FBXL17: variants seen among roughly 807,000 people sequenced by gnomAD.
FBXL17 encodes F-box/LRR-repeat protein 17.
FBXL17 carries 22 observed loss-of-function variants against 66.2 expected under a neutral mutation model. The ratio of observed to expected loss-of-function variants is 0.33; its 90% CI spans 0.24 to 0.47. FBXL17 has a LOEUF of 0.47. Ranked by LOEUF, FBXL17 falls within the 20% of genes least tolerant of loss-of-function variation. The pLI is 1.00. For synonymous variants in FBXL17, 474 were observed against 400.5 expected, an observed-to-expected ratio of 1.18 and a Z score of -2.19; for missense variants, 878 against 948.2, an observed-to-expected ratio of 0.93 and a Z score of 0.97.
intron 6 of FBXL17, among the ~76,000 whole-genome samples, chr5:108,169,415 C>G (rs1409244520): frequency 6.6e-6 from 1 of 152,124 alleles, no homozygotes; most frequent in Non-Finnish European, 1.5e-5. Flanking sequence ...TAGAAAACAA[C>G]TGTTGTTTTG....
chr5:108,238,498 G>T (rs1035572327), intron 4 of FBXL17, among the ~76,000 whole-genome samples: 1 of 152,030 alleles, frequency 6.6e-6, no homozygotes, highest in Non-Finnish European at 1.5e-5. Flanking sequence ...AATGAATTGT[G>T]ACTTTTTAAT....
At chr5:107,885,920 CATA>C (rs1306446068) in intron 7 of FBXL17, among the ~76,000 whole-genome samples, 1 of 148,540 alleles carries the variant, frequency 6.7e-6, no homozygotes, top group African/African-American at 2.5e-5. Context: ...CTCTCTGAAC[CATA>C]ATAATGCTTT....
At chr5:108,367,596 A>G (rs1450666585) in intron 2 of FBXL17, among the ~76,000 whole-genome samples, 1 of 152,118 alleles carries the variant, frequency 6.6e-6, no homozygotes, top group African/African-American at 2.4e-5. Context: ...AAAAGACAAA[A>G]AGACCTAAAA....
chr5:108,282,274 T>G (rs141136073), intron 4 of FBXL17, among the ~76,000 whole-genome samples: 33 of 151,864 alleles, frequency 2.2e-4, no homozygotes, highest in African/African-American at 5.8e-4. Context: ...ATCCTCAACA[T>G]ACTAGCAAAC....
intron 8 of FBXL17, among the ~76,000 whole-genome samples, chr5:107,876,346 T>G (rs577264195): frequency 6.6e-6 from 1 of 152,320 alleles, no homozygotes; most frequent in South Asian, 2.1e-4. Flanking sequence ...ATAAAATTAG[T>G]TCTGCATGAA....
intron 4 of FBXL17, among the ~76,000 whole-genome samples, chr5:108,258,228 T>G (rs917563057): frequency 2.6e-5 from 4 of 152,086 alleles, no homozygotes; most frequent in African/African-American, 4.8e-5. Context: ...TGTGATGACA[T>G]AGCAAGAAAG....
At chr5:108,205,772 C>T (rs1754090983) in intron 5 of FBXL17, among the ~76,000 whole-genome samples, 1 of 152,104 alleles carries the variant, frequency 6.6e-6, no homozygotes, top group South Asian at 2.1e-4. Flanking sequence ...GTCACCCAGG[C>T]TAAAGTGCAG....
chr5:108,134,857 T>C (rs1751075084), intron 6 of FBXL17, among the ~76,000 whole-genome samples: 1 of 152,184 alleles, frequency 6.6e-6, no homozygotes, highest in Non-Finnish European at 1.5e-5. Context: ...ACAAATTAAG[T>C]CTTTCCTGCA....
At chr5:108,110,519 A>T (rs918409884) in intron 6 of FBXL17, among the ~76,000 whole-genome samples, 1 of 152,154 alleles carries the variant, frequency 6.6e-6, no homozygotes, top group East Asian at 1.9e-4. Flanking sequence ...CTTTTTATCA[A>T]ATTTGTAAAC....
intron 1 of FBXL17, among the ~76,000 whole-genome samples, chr5:108,375,882 A>C (rs1250642179): frequency 6.6e-6 from 1 of 152,234 alleles, no homozygotes; most frequent in Non-Finnish European, 1.5e-5. Context: ...AAATATAAGG[A>C]AACTAAATCC....
intron 5 of FBXL17, among the ~76,000 whole-genome samples, chr5:108,217,547 A>G (rs539505008): frequency 2.5e-4 from 38 of 152,056 alleles, no homozygotes; most frequent in African/African-American, 8.9e-4. Flanking sequence ...TTCCATTTCA[A>G]CATTGTTTCA....
intron 6 of FBXL17, among the ~76,000 whole-genome samples, chr5:108,062,460 C>G (rs1471038722): frequency 6.6e-6 from 1 of 151,950 alleles, no homozygotes; most frequent in Non-Finnish European, 1.5e-5. Context: ...TTTCCAACAA[C>G]TATTATAGTT....
intron 6 of FBXL17, among the ~76,000 whole-genome samples, chr5:108,127,199 A>G (rs547050241): frequency 3.3e-5 from 5 of 152,308 alleles, no homozygotes; most frequent in African/African-American, 9.6e-5. Flanking sequence ...AGACACCAAC[A>G]CTTATGTCTT....
intron 5 of FBXL17, among the ~76,000 whole-genome samples, chr5:108,222,421 A>T (rs1044091887): frequency 6.6e-6 from 1 of 152,192 alleles, no homozygotes; most frequent in Non-Finnish European, 1.5e-5. Flanking sequence ...TAGGAAATGA[A>T]TTAAAAATTA....
chr5:108,378,609 A>G (rs1749615195), intron 1 of FBXL17, among the ~76,000 whole-genome samples: 1 of 152,158 alleles, frequency 6.6e-6, no homozygotes, highest in Non-Finnish European at 1.5e-5. Flanking sequence ...TCCTTTCACC[A>G]CCACATGGCT....
chr5:108,012,832 A>G (rs1754227925), intron 7 of FBXL17, among the ~76,000 whole-genome samples: 1 of 152,096 alleles, frequency 6.6e-6, no homozygotes, highest in Non-Finnish European at 1.5e-5. Context: ...CCTGACCAAC[A>G]TGGAGAAACC....
At chr5:108,096,943 C>T (rs905007890) in intron 6 of FBXL17, among the ~76,000 whole-genome samples, 45 of 152,224 alleles carry the variant, frequency 3.0e-4, no homozygotes, top group African/African-American at 1.0e-3. Context: ...ATGCATGGGG[C>T]ATTTAGCTAG....
intron 8 of FBXL17, among the ~76,000 whole-genome samples, chr5:107,862,505 C>G (rs1295302275): frequency 6.6e-6 from 1 of 152,124 alleles, no homozygotes; most frequent in Non-Finnish European, 1.5e-5. Flanking sequence ...AAACTAACAC[C>G]TTTACAATTG....
intron 4 of FBXL17, among the ~76,000 whole-genome samples, chr5:108,324,946 T>C (rs1759781832): frequency 6.6e-6 from 1 of 151,930 alleles, no homozygotes; most frequent in African/African-American, 2.4e-5. Context: ...CTAGAAGAGG[T>C]ACCTAGAGGA....
Sources: allele counts gnomAD v4.1 joint callset (sites outside exome capture counted in the v4.1 genomes callset), GRCh38; gene constraint gnomAD v4.1.1; transcripts MANE v1.5; gene names NCBI Gene and HGNC (gene_info 2026-07-23, HGNC 2026-07-21).